The following CCDC171 variants were observed in gnomAD, a reference collection of about 807,000 sequenced individuals.
CCDC171 encodes coiled-coil domain-containing protein 171.
A neutral mutation model predicts 168.2 loss-of-function variants in CCDC171; 177 were observed. The ratio of observed to expected loss-of-function variants is 1.05; its 90% CI spans 0.93 to 1.19. CCDC171 has a LOEUF of 1.19. Among genes scored for constraint, CCDC171 ranks in the 50% most tolerant of loss-of-function variants. The pLI is 0.00. For missense variants in CCDC171, 1,991 were observed against 1,539.0 expected, an observed-to-expected ratio of 1.29 and a Z score of -4.91; for synonymous variants, 687 against 540.8, an observed-to-expected ratio of 1.27 and a Z score of -3.75.
intron 1 of CCDC171, among the ~76,000 whole-genome samples, chr9:15,557,949 T>C (rs199936731): frequency 6.6e-6 from 1 of 151,826 alleles, no homozygotes; most frequent in Non-Finnish European, 1.5e-5. Context: ...TAGCATGAAG[T>C]GTTGTTGAAT....
chr9:15,971,724 C>G lies in CCDC171; in HGVS notation c.3869C>G (p.Thr1290Ser). ...PLKAELDTTY[T>S]FLKETFINTV... ...AAAGCTGAACTTGATACTACTTACA[C>G]TTTCTTAAAGGAGACATTTATAAAT... The change falls in exon 26 of 26, where the codon ACT becomes AGT. Residue 1290 changes from threonine (T) to serine (S), a missense_variant. Coordinates refer to ENST00000380701, the MANE Select transcript of CCDC171 (RefSeq NM_173550.4). 1.9e-6 allele frequency: 3 copies of G among 1,613,876 alleles called. No homozygotes were observed. Among genetic ancestry groups the G allele is most frequent in the Non-Finnish European group, 2.5e-6 (3 of 1,179,838 alleles).
chr9:15,797,581 C>T (rs1282035685), intron 21 of CCDC171, among the ~76,000 whole-genome samples: 1 of 151,964 alleles, frequency 6.6e-6, no homozygotes. Flanking sequence ...TCTATATTCT[C>T]TATATAGATT....
upstream of CCDC171, among the ~76,000 whole-genome samples, chr9:16,038,205 A>G (rs1240104365): frequency 1.3e-5 from 2 of 152,144 alleles, no homozygotes; most frequent in African/African-American, 4.8e-5. Flanking sequence ...TCAACAACAC[A>G]TATAAAATTA....
chr9:15,917,217 C>T (rs1824652026), intron 24 of CCDC171, among the ~76,000 whole-genome samples: 1 of 151,800 alleles, frequency 6.6e-6, no homozygotes, highest in African/African-American at 2.4e-5. Flanking sequence ...GGATATGTGG[C>T]TTCTTTGAAT....
chr9:15,779,109 G>A lies in CCDC171; in HGVS notation c.3040G>A (p.Ala1014Thr). The change falls in exon 20 of 26, where the codon GCC (alanine) becomes ACC (threonine). Residue 1014 changes from alanine (A) to threonine (T), a missense_variant. Transcript: ENST00000380701. ...VNEMKKELDKAQGLQMQLNEF... is the reference protein window; with the variant it reads ...VNEMKKELDKTQGLQMQLNEF... Reference sequence around the variant, plus strand: ...TGAAATGAAAAAGGAGCTTGACAAAGCCCAGGGTCTGCAAATGCAATTAAA... The same window carrying A: ...TGAAATGAAAAAGGAGCTTGACAAAACCCAGGGTCTGCAAATGCAATTAAA... 6.3e-7 allele frequency: 1 copy of A among 1,593,958 alleles called. No individual in the cohort carries two copies. Among genetic ancestry groups the A allele is most frequent in the Non-Finnish European group, 8.5e-7 (1 of 1,172,290 alleles).
chr9:15,843,720 G>A (rs922292667), intron 21 of CCDC171, among the ~76,000 whole-genome samples: 20 of 152,020 alleles, frequency 1.3e-4, no homozygotes, highest in African/African-American at 4.8e-4. Flanking sequence ...TGTAATTAGG[G>A]TGACCGTGTT....
At chr9:15,919,097 A>G (rs888254277) in intron 24 of CCDC171, among the ~76,000 whole-genome samples, 1 of 151,688 alleles carries the variant, frequency 6.6e-6, no homozygotes, top group Non-Finnish European at 1.5e-5. Context: ...AGAAGCAGGC[A>G]TGAAGGATCC....
At chr9:15,600,036 G>A (rs1381891769) in intron 6 of CCDC171, among the ~76,000 whole-genome samples, 2 of 152,180 alleles carry the variant, frequency 1.3e-5, no homozygotes, top group Admixed American at 6.5e-5. Context: ...GGCTATTCTA[G>A]TTAGCCATTC....
intron 23 of CCDC171, chr9:15,850,415 C>A (rs1375986224): frequency 6.6e-6 from 1 of 151,846 alleles, no homozygotes; most frequent in East Asian, 1.9e-4. Flanking sequence ...TACAGTTCTT[C>A]AGTTGTAGTT....
At chr9:15,992,011 C>T (rs938366862) in intron 3 of CCDC171, among the ~76,000 whole-genome samples, 2 of 152,218 alleles carry the variant, frequency 1.3e-5, no homozygotes, top group African/African-American at 4.8e-5. Flanking sequence ...CAAGGAGGAG[C>T]TGGCTCCATT....
Position 15,666,338 on chromosome 9 carries a change from G to T in CCDC171, c.1076+15G>T, listed in dbSNP as rs769498251. 1.9e-5 allele frequency: 30 copies of T among 1,567,306 alleles called. No individual in the cohort carries two copies. Among genetic ancestry groups the T allele is most frequent in the Middle Eastern group, 1.7e-4 (1 of 5,898 alleles). On this transcript the variant is annotated intron_variant, in intron 9 of 25. Coordinates refer to ENST00000380701, the MANE Select transcript of CCDC171 (RefSeq NM_173550.4). The stretch of plus-strand genomic sequence containing the variant: ...AAACTAAATTTGTAAGTATTCTATT[G>T]TAAAATTCTCTAAATTAACATAAAG...
Position 15,972,131 on chromosome 9 carries a change from A to G in CCDC171, c.*295A>G. On this transcript the variant is annotated 3_prime_UTR_variant, in exon 26 of 26. Transcript: ENST00000380701. ...TCCCTCAGACTTAAAAAAATCAATA[A>G]GCCATTTTAGTCTCTATCTATCAAA... is the stretch of plus-strand genomic sequence containing the variant. 2 of 353,856 alleles carry G rather than the reference A, an allele frequency of 5.7e-6. No individual in the cohort carries two copies. The highest frequency in any genetic ancestry group is 1.0e-5 in the Non-Finnish European group (2 of 195,436). 21.9% of individuals were successfully genotyped at this position (353,856 alleles called of 1,614,324 possible). A position where few individuals can be genotyped will look rare whatever the true frequency, so the allele number is the denominator to read the frequency against.
rs75525575 is a variant in CCDC171, at chr9:15,781,731, A to G, written c.3081+2581A>G. ...CCTGGCCAGTACTTAATTTTTATATATTGTCCTATAATTATAAGTTATGAA... is the reference window on the plus strand; with the variant it reads ...CCTGGCCAGTACTTAATTTTTATATGTTGTCCTATAATTATAAGTTATGAA... On this transcript the variant is annotated intron_variant, in intron 20 of 25. Coordinates refer to ENST00000380701, the MANE Select transcript of CCDC171 (RefSeq NM_173550.4). 6.4e-3 allele frequency among the ~76,000 whole-genome samples: 976 copies of G among 152,180 alleles called. 9 individuals are homozygous for G. Among genetic ancestry groups the G allele is most frequent in the African/African-American group, 0.022 (933 of 41,524 alleles).
rs1352687041 is a variant in CCDC171 at position 15,818,661 on chromosome 9, C to G, written c.3268-28041C>G. On this transcript the variant is annotated intron_variant, in intron 21 of 25. Transcript: ENST00000380701. ...TTTAGAGAAAAAAGAATAAAAGAAA[C>G]GAACAAAGCCTCCAAGAAATATGGG... is the stretch of plus-strand genomic sequence containing the variant. Among the ~76,000 whole-genome samples, 9 of 117,222 alleles carry G rather than the reference C, an allele frequency of 7.7e-5. 3 individuals are homozygous for G. Among genetic ancestry groups the G allele is most frequent in the Admixed American group, 4.0e-4 (5 of 12,398 alleles). The allele number at this position is 117,222 out of a possible 152,430, so 76.9% of individuals were successfully genotyped here.
At chr9:15,951,094 C>A (rs886469209) in intron 25 of CCDC171, among the ~76,000 whole-genome samples, 4 of 149,562 alleles carry the variant, frequency 2.7e-5, no homozygotes, top group African/African-American at 9.7e-5. Flanking sequence ...TATATATGCA[C>A]CCAATACAGG....
chr9:15,748,195 GA>G (rs2055437911), intron 18 of CCDC171, among the ~76,000 whole-genome samples: 1 of 152,104 alleles, frequency 6.6e-6, no homozygotes, highest in African/African-American at 2.4e-5. Context: ...TTCAGCAGCA[GA>G]TTTGATCAAG....
intron 6 of CCDC171, among the ~76,000 whole-genome samples, chr9:15,598,900 G>A (rs575594854): frequency 7.6e-4 from 116 of 152,184 alleles, no homozygotes; most frequent in African/African-American, 2.6e-3. Flanking sequence ...TTACCATTAT[G>A]TAATGGCCTT....
the CCDC171 span, among the ~76,000 whole-genome samples, chr9:16,100,555 T>C: frequency 3.9e-3 from 590 of 152,310 alleles, 14 homozygotes; most frequent in Admixed American, 0.029. Flanking sequence ...GCTCCTTTCC[T>C]AGAGGCCACT....
intron 25 of CCDC171, among the ~76,000 whole-genome samples, chr9:15,961,610 C>G (rs978099487): frequency 6.6e-6 from 1 of 152,028 alleles, no homozygotes; most frequent in African/African-American, 2.4e-5. Flanking sequence ...AAATCTTTTC[C>G]AAACATGAAA....
Sources: gnomAD v4.1 joint callset for allele counts (sites outside exome capture counted in the v4.1 genomes callset) on GRCh38, gnomAD v4.1.1 for gene constraint, MANE v1.5 for transcripts, NCBI Gene and HGNC (gene_info 2026-07-23, HGNC 2026-07-21) for gene names.